The following DYRK1B variants were observed in gnomAD, a reference collection of about 807,000 sequenced individuals.
DYRK1B encodes the protein dual specificity tyrosine phosphorylation regulated kinase 1B.
Under a neutral mutation model 57.1 loss-of-function variants are expected in DYRK1B, and 20 were observed. The observed-to-expected ratio is 0.35, with a 90% CI of 0.25 to 0.51. The LOEUF is 0.51. Among genes scored for constraint, DYRK1B ranks in the 20% least tolerant of loss-of-function variants. DYRK1B has a pLI of 0.96. For synonymous variants in DYRK1B, 409 were observed against 384.7 expected (o/e 1.06, Z -0.74); for missense variants, 732 against 886.3 (o/e 0.83, Z 2.21).
rs575857490 is a variant in DYRK1B at position 39,826,697 on chromosome 19, G to C, written c.1386C>G (p.Ser462Arg). ...PAPLDTCPSS[S>R]TASSISSSGG... ...CAGAACTGGAGATGGAGCTGGCGGT[G>C]CTGGAAGAGGGGCAGGTGTCGAGGG... The change falls in exon 9 of 11, where the codon AGC becomes AGG. Residue 462 changes from serine (S) to arginine (R), a missense_variant. By Grantham distance (110) the Ser-to-Arg change is moderately radical. Coordinates refer to ENST00000323039, the MANE Select transcript of DYRK1B (RefSeq NM_004714.3). The surrounding 1 kb of genome is among the most constrained non-coding windows in gnomAD (Gnocchi z 6.3). The C allele has an allele frequency of 5.1e-4, 822 of 1,605,236 alleles. 1 individual carries two copies. Among genetic ancestry groups the C allele is most frequent in the South Asian group, 9.6e-4 (86 of 89,524 alleles).
chr19:39,825,851 T>TG lies in DYRK1B; in HGVS notation c.1753dup (p.Gln585ProfsTer23), dbSNP rs1363390859. On this transcript the variant is annotated frameshift_variant, in exon 11 of 11. Coordinates refer to ENST00000323039, the MANE Select transcript of DYRK1B (RefSeq NM_004714.3). LOFTEE classifies it high-confidence loss of function. Reference sequence around the variant, plus strand: ...CCGGAGGGCTGAGGCAGCCGGGTGCTGGGGGGCAGGCGCTGGGTGAGGTGG... The same window carrying TG: ...CCGGAGGGCTGAGGCAGCCGGGTGCTGGGGGGGCAGGCGCTGGGTGAGGTGG... 6.2e-7 allele frequency: 1 copy of TG among 1,606,000 alleles called. No homozygotes were observed. Among genetic ancestry groups the TG allele is most frequent in the African/African-American group, 1.4e-5 (1 of 73,978 alleles).
chr19:39,827,279 C>A lies in DYRK1B; in HGVS notation c.1095+6G>T, dbSNP rs1314595735. 6.2e-7 allele frequency: 1 copy of A among 1,606,668 alleles called. No homozygotes were observed. Among genetic ancestry groups the A allele is most frequent in the African/African-American group, 1.3e-5 (1 of 74,874 alleles). On this transcript the variant is annotated splice_donor_region_variant and intron_variant, in intron 8 of 10. Transcript: ENST00000323039. ...TGGGAGGAGTGGCATGGGGCAGGGG[C>A]CGCACCTTCCTGAGTTCTTTCGTCC... is the stretch of plus-strand genomic sequence containing the variant.
chr19:39,833,682 C>T (rs1021613842), intron 1 of DYRK1B: 13 of 152,396 alleles, frequency 8.5e-5, no homozygotes, highest in African/African-American at 2.6e-4. Flanking sequence ...ATGGCAACAA[C>T]TGTACCATTG....
intron 1 of DYRK1B, 131 bp from the exon 2 acceptor site, chr19:39,832,099 A>T: frequency 9.7e-7 from 1 of 1,034,776 alleles, no homozygotes; most frequent in Non-Finnish European, 1.3e-6. Flanking sequence ...GGAGCAGCAG[A>T]TAGCAATGAA....
rs759616061 is a variant in DYRK1B at position 39,827,459 on chromosome 19, A to G, written c.955-34T>C. On this transcript the variant is annotated intron_variant, in intron 7 of 10. Transcript: ENST00000323039. Reference sequence around the variant, plus strand: ...AGGCAGGGGTCAAGGTCATCAGGCCAGCCAGGCTCCACCCCCTCCACCTCC... The same window carrying G: ...AGGCAGGGGTCAAGGTCATCAGGCCGGCCAGGCTCCACCCCCTCCACCTCC... 5 of 1,609,502 alleles carry G rather than the reference A, an allele frequency of 3.1e-6. No individual in the cohort carries two copies. The Admixed American group carries it at 5.0e-5, about 16-fold the overall frequency.
intron 4 of DYRK1B, 87 bp downstream of exon 4, chr19:39,830,288 A>G: frequency 6.5e-7 from 1 of 1,545,504 alleles, no homozygotes; most frequent in Admixed American, 1.7e-5. Flanking sequence ...TGAGTGGCCC[A>G]GCATGGGACT....
At chr19:39,832,671 C>T (rs1439448071) in intron 1 of DYRK1B, among the ~76,000 whole-genome samples, 1 of 152,130 alleles carries the variant, frequency 6.6e-6, no homozygotes, top group Non-Finnish European at 1.5e-5. Context: ...TCCACCAGGG[C>T]ACGATTTTCC....
chr19:39,826,644 T>G lies in DYRK1B; in HGVS notation c.1411+28A>C. On this transcript the variant is annotated intron_variant, in intron 9 of 10. Coordinates refer to ENST00000323039, the MANE Select transcript of DYRK1B (RefSeq NM_004714.3). The surrounding 1 kb of genome is among the most constrained non-coding windows in gnomAD (Gnocchi z 6.3). The stretch of plus-strand genomic sequence containing the variant: ...AAACCTGAGCAGCCCCCACCCGTTG[T>G]ACCCCATTTGGGCACCTGGGCACCC... The G allele has an allele frequency of 6.4e-7, 1 of 1,563,936 alleles. No homozygotes were observed. The highest frequency in any genetic ancestry group is 1.2e-5 in the South Asian group (1 of 83,842).
At chr19:39,827,020 G>A (rs1187653321) in intron 8 of DYRK1B, 33 bp from the exon 9 acceptor site, 2 of 1,379,540 alleles carry the variant, frequency 1.4e-6, no homozygotes, top group Non-Finnish European at 1.9e-6. Context: ...GGGGGCAAGA[G>A]AGTGGCCGTC....
Position 39,826,431 on chromosome 19 carries a change from C to G in DYRK1B, c.1412-145G>C, listed in dbSNP as rs1019617280. 7 of 855,482 alleles carry G rather than the reference C, an allele frequency of 8.2e-6. No individual in the cohort carries two copies. The African/African-American group carries it at 1.1e-4, about 13-fold the overall frequency. 53.0% of individuals were successfully genotyped at this position (855,482 alleles called of 1,614,324 possible). On this transcript the variant is annotated intron_variant, in intron 9 of 10. Transcript: ENST00000323039. The surrounding 1 kb of genome is among the most constrained non-coding windows in gnomAD (Gnocchi z 6.3). Reference sequence around the variant, plus strand: ...CCCATCTGAAGCACCGGGCCCAATTCTGAGATTCTGGGTTGGAATTCAGTT... The same window carrying G: ...CCCATCTGAAGCACCGGGCCCAATTGTGAGATTCTGGGTTGGAATTCAGTT...
intron 6 of DYRK1B, among the ~76,000 whole-genome samples, 154 bp from the exon 7 acceptor site, chr19:39,827,810 G>C (rs150015823): frequency 2.0e-5 from 3 of 152,186 alleles, no homozygotes; most frequent in Non-Finnish European, 4.4e-5. Context: ...AATTTTCTGG[G>C]AGCCACTGGT....
At chr19:39,832,060 GCA>G (rs1479497338) in intron 1 of DYRK1B, 92 bp from the exon 2 acceptor site, 1 of 1,316,970 alleles carries the variant, frequency 7.6e-7, no homozygotes, top group Non-Finnish European at 9.8e-7. Context: ...GAAAGACAGG[GCA>G]CAGAGAGAAG....
Position 39,828,384 on chromosome 19 carries a change from G to A in DYRK1B, c.720C>T (p.Leu240=). 1 of 1,614,176 alleles carries A rather than the reference G, an allele frequency of 6.2e-7. No homozygotes were observed. Among genetic ancestry groups the A allele is most frequent in the Non-Finnish European group, 8.5e-7 (1 of 1,180,022 alleles). The change falls in exon 6 of 11, where the codon CTC becomes CTT. Residue 240 remains leucine, a synonymous_variant. Transcript: ENST00000323039. This position sits in a 1 kb window ranked among gnomAD's most constrained non-coding sequence, Gnocchi z 4.3. ...TPELSIIHCD[L]KPENILLCNP... ...TGCACAGCAAGATGTTTTCGGGCTT[G>A]AGGTCGCAGTGAATGATGCTGAGCT...
At chr19:39,827,224 A>C in intron 8 of DYRK1B, 61 bp downstream of exon 8, 1 of 1,528,486 alleles carries the variant, frequency 6.5e-7, no homozygotes, top group Non-Finnish European at 8.9e-7. Context: ...AGGGGGAGAG[A>C]GCCCCAAGTG....
At chr19:39,827,943 C>A (rs1478262556) in intron 6 of DYRK1B, among the ~76,000 whole-genome samples, 1 of 152,116 alleles carries the variant, frequency 6.6e-6, no homozygotes, top group Non-Finnish European at 1.5e-5. Context: ...AAGCCCTATA[C>A]CATCGTCACT....
chr19:39,832,042 G>GGACATGA (rs1968842742), intron 1 of DYRK1B, 74 bp from the exon 2 acceptor site: 1 of 1,353,850 alleles, frequency 7.4e-7, no homozygotes, highest in African/African-American at 1.5e-5. Flanking sequence ...GGGGAAGAGT[G>GGACATGA]GACATGAGAA....
chr19:39,833,198 C>T (rs1447753600), intron 1 of DYRK1B: 51 of 985,634 alleles, frequency 5.2e-5, no homozygotes, highest in Non-Finnish European at 6.0e-5. Context: ...TGGAGCTTCC[C>T]CCAAAAAACC....
In DYRK1B at chr19:39,827,603, G is replaced by A; in HGVS notation, c.861C>T (p.Gly287=). ...RFYRSPEVLL[G]TPYDLAIDMW... Reference sequence around the variant, plus strand: ...TGTCAATGGCCAGGTCGTAGGGTGTGCCCAGGAGCACCTCAGGTGAGCGGT... The same window carrying A: ...TGTCAATGGCCAGGTCGTAGGGTGTACCCAGGAGCACCTCAGGTGAGCGGT... Residue 287 remains glycine, a synonymous_variant, in exon 7 of 11, where the codon GGC becomes GGT. Transcript: ENST00000323039. The A allele has an allele frequency of 6.2e-7, 1 of 1,614,100 alleles. No homozygotes were observed. The highest frequency in any genetic ancestry group is 8.5e-7 in the Non-Finnish European group (1 of 1,179,972).
At position 39,827,887 on chromosome 19, in the gene DYRK1B, G is replaced by A. The variant is rs537931616; in HGVS notation, c.808-231C>T. Among the ~76,000 whole-genome samples, 7 of 152,118 alleles carry A rather than the reference G, an allele frequency of 4.6e-5. No homozygotes were observed. The South Asian group carries it at 6.2e-4, about 14-fold the overall frequency. ...AGACCCTGATCTCCACCCCCAACCC[G>A]GATCCTGGGCCCTTCTGGGTCACCA... is the stretch of plus-strand genomic sequence containing the variant. On this transcript the variant is annotated intron_variant, in intron 6 of 10. Transcript: ENST00000323039.
Sources: gnomAD v4.1 joint callset for allele counts (sites outside exome capture counted in the v4.1 genomes callset) on GRCh38, gnomAD v4.1.1 for gene constraint, Gnocchi (gnomAD v3.1) non-coding constraint, MANE v1.5 for transcripts, NCBI Gene and HGNC (gene_info 2026-07-23, HGNC 2026-07-21) for gene names.